The following FYB1 variants were observed in gnomAD, a reference collection of about 807,000 sequenced individuals.
The protein encoded by FYB1 is FYN binding protein 1.
A neutral mutation model predicts 94.1 loss-of-function variants in FYB1; 41 were observed. That is an observed-to-expected ratio of 0.44 (90% confidence interval 0.34 to 0.57). The LOEUF is 0.57. FYB1 is among the 20% of genes least tolerant of loss of function. The probability of loss-of-function intolerance (pLI) is 0.02; values close to 1 mark genes in which losing one functional copy is unlikely to be tolerated. For synonymous variants in FYB1, 367 were observed against 353.2 expected (o/e 1.04, Z -0.44); for missense variants, 1,050 against 976.8 (o/e 1.07, Z -1.00).
At chr5:39,145,131 A>G (rs1370513244) in intron 3 of FYB1, among the ~76,000 whole-genome samples, 1 of 152,192 alleles carries the variant, frequency 6.6e-6, no homozygotes, top group Non-Finnish European at 1.5e-5. Context: ...GGCTCGTTAT[A>G]CTATTCTTCC....
chr5:39,263,041 G>T (rs1561317121), intron 1 of FYB1, among the ~76,000 whole-genome samples: 2 of 152,106 alleles, frequency 1.3e-5, no homozygotes. Context: ...ACAGTAATAT[G>T]CATTAATTGT....
In FYB1 at chr5:39,122,332, T is replaced by C; in HGVS notation, c.2138+4A>G. On this transcript the variant is annotated splice_donor_region_variant and intron_variant, in intron 14 of 18. Transcript: ENST00000512982. Reference sequence around the variant, plus strand: ...CTTCATTGTAATGAAAGCATTTTAATTACCTCATCTCTGCTGATGAAACAG... The same window carrying C: ...CTTCATTGTAATGAAAGCATTTTAACTACCTCATCTCTGCTGATGAAACAG... 6.5e-7 allele frequency: 1 copy of C among 1,540,464 alleles called. No individual in the cohort carries two copies.
rs1561260317 is a variant in FYB1 at position 39,202,901 on chromosome 5, G to A, written c.60C>T (p.Pro20=). ...PTEDVSVNSR[P]FRVTGPNSSS... is the part of the protein sequence containing the mutation. ...ATGAGTTTGGCCCTGTGACTCTGAAGGGTCGGCTATTGACTGAGACATCCT... is the reference window on the plus strand; with the variant it reads ...ATGAGTTTGGCCCTGTGACTCTGAAAGGTCGGCTATTGACTGAGACATCCT... The change falls in exon 2 of 19, where the codon CCC becomes CCT. Residue 20 remains proline (P), a synonymous_variant. Transcript: ENST00000512982. 4 of 1,613,874 alleles carry A rather than the reference G, an allele frequency of 2.5e-6. No homozygotes were observed. Among genetic ancestry groups the A allele is most frequent in the Non-Finnish European group, 3.4e-6 (4 of 1,179,896 alleles).
At chr5:39,125,861 G>A in intron 12 of FYB1, 137 bp downstream of exon 12, 1 of 830,922 alleles carries the variant, frequency 1.2e-6, no homozygotes, top group Non-Finnish European at 1.8e-6. Flanking sequence ...ACGGGGCTAA[G>A]ATGATTAACG....
intron 9 of FYB1, among the ~76,000 whole-genome samples, chr5:39,131,529 G>A (rs1213440327): frequency 2.0e-5 from 3 of 152,200 alleles, no homozygotes; most frequent in African/African-American, 7.2e-5. Flanking sequence ...AAATTGATCT[G>A]ATGCAGATCT....
chr5:39,122,880 C>T (rs1014207256), intron 13 of FYB1, among the ~76,000 whole-genome samples: 1 of 152,028 alleles, frequency 6.6e-6, no homozygotes, highest in Non-Finnish European at 1.5e-5. Context: ...ATCTGTTTCC[C>T]GTTACCTTTT....
intron 2 of FYB1, among the ~76,000 whole-genome samples, chr5:39,157,465 G>C (rs75702186): frequency 2.0e-5 from 3 of 152,064 alleles, no homozygotes; most frequent in Admixed American, 2.0e-4. Context: ...CAGAAAGCAG[G>C]GATGTAAACA....
intron 1 of FYB1, among the ~76,000 whole-genome samples, chr5:39,230,742 A>C (rs1174430158): frequency 6.6e-6 from 1 of 151,814 alleles, no homozygotes; most frequent in Non-Finnish European, 1.5e-5. Flanking sequence ...ATTATCCACA[A>C]GGCTGATGCT....
chr5:39,252,137 T>C (rs932344473), intron 1 of FYB1, among the ~76,000 whole-genome samples: 2 of 151,830 alleles, frequency 1.3e-5, no homozygotes, highest in Non-Finnish European at 2.9e-5. Context: ...AGAGCGAGAC[T>C]CCGTCTCAAA....
In FYB1 at chr5:39,130,626, C is replaced by T. The variant is rs1229311006; in HGVS notation, c.1818-14G>A. On this transcript the variant is annotated splice_polypyrimidine_tract_variant and intron_variant, in intron 9 of 18. Coordinates refer to ENST00000512982, the MANE Select transcript of FYB1 (RefSeq NM_001465.6). ...CTCTGACTGTGGCTAGAAAAGAAAC[C>T]CAGAAATATTAAGTTAATCTATGAA... The T allele has an allele frequency of 6.4e-7, 1 of 1,564,308 alleles. No individual in the cohort carries two copies. Among genetic ancestry groups the T allele is most frequent in the Non-Finnish European group, 8.7e-7 (1 of 1,150,772 alleles).
At position 39,232,443 on chromosome 5, in the gene FYB1, G is replaced by A. The variant is rs74697430; in HGVS notation, c.-27-29456C>T. Reference sequence around the variant, plus strand: ...CAGAAATGGTATTCAGGCTGACAACGGACCCAGCTGTCCTCTCAAATTGAA... The same window carrying A: ...CAGAAATGGTATTCAGGCTGACAACAGACCCAGCTGTCCTCTCAAATTGAA... On this transcript the variant is annotated intron_variant, in intron 1 of 1. Transcript: ENST00000510188. 6.5e-3 allele frequency among the ~76,000 whole-genome samples: 993 copies of A among 152,006 alleles called. 15 individuals carry two copies. The highest frequency in any genetic ancestry group is 0.023 in the African/African-American group (940 of 41,446).
At chr5:39,123,762 C>T (rs1561137775) in intron 13 of FYB1, among the ~76,000 whole-genome samples, 1 of 151,966 alleles carries the variant, frequency 6.6e-6, no homozygotes, top group Non-Finnish European at 1.5e-5. Flanking sequence ...AAAGATCTGT[C>T]TCAGCAGGGA....
chr5:39,241,485 C>T (rs1476390475), intron 1 of FYB1, among the ~76,000 whole-genome samples: 1 of 152,160 alleles, frequency 6.6e-6, no homozygotes, highest in Non-Finnish European at 1.5e-5. Flanking sequence ...TGTGTATGTG[C>T]ATCTCCACTT....
intron 1 of FYB1, among the ~76,000 whole-genome samples, chr5:39,249,134 T>G (rs1156680888): frequency 6.6e-6 from 1 of 151,932 alleles, no homozygotes; most frequent in Non-Finnish European, 1.5e-5. Context: ...TAGGGAACAG[T>G]AAGCAGCCAA....
chr5:39,151,813 A>G (rs1743276631), intron 3 of FYB1, among the ~76,000 whole-genome samples: 1 of 152,200 alleles, frequency 6.6e-6, no homozygotes, highest in African/African-American at 2.4e-5. Context: ...ATGTTTGGGA[A>G]ATACTCATGT....
intron 2 of FYB1, among the ~76,000 whole-genome samples, chr5:39,181,703 C>T (rs1473762070): frequency 6.6e-6 from 1 of 152,172 alleles, no homozygotes; most frequent in Non-Finnish European, 1.5e-5. Context: ...ATTGTTTAAA[C>T]TAGAATCTTA....
chr5:39,251,411 G>C (rs574317380), intron 1 of FYB1, among the ~76,000 whole-genome samples: 1 of 152,218 alleles, frequency 6.6e-6, no homozygotes, highest in East Asian at 1.9e-4. Flanking sequence ...CTCAGTTAGA[G>C]GGGAATCATT....
intron 1 of FYB1, among the ~76,000 whole-genome samples, chr5:39,272,111 G>A (rs1385322362): frequency 1.3e-5 from 2 of 152,126 alleles, no homozygotes; most frequent in Non-Finnish European, 2.9e-5. Flanking sequence ...TTAAGTCTCA[G>A]CTCCCAGGCT....
intron 1 of FYB1, among the ~76,000 whole-genome samples, chr5:39,207,282 A>G (rs1183005470): frequency 1.3e-5 from 2 of 152,202 alleles, no homozygotes; most frequent in Non-Finnish European, 1.5e-5. Flanking sequence ...ACTCACAAAC[A>G]TTGCTCACAA....
Sources: gnomAD v4.1 joint callset for allele counts (sites outside exome capture counted in the v4.1 genomes callset) on GRCh38, gnomAD v4.1.1 for gene constraint, MANE v1.5 for transcripts, NCBI Gene and HGNC (gene_info 2026-07-23, HGNC 2026-07-21) for gene names.